The following IDO2 variants were observed in gnomAD, a reference collection of about 807,000 sequenced individuals.
IDO2 encodes indoleamine 2,3-dioxygenase-like 1 protein.
In IDO2, 46 loss-of-function variants were observed where a neutral mutation model predicts 45.1. That is an observed-to-expected ratio of 1.02 (90% CI 0.80 to 1.30). IDO2 has a LOEUF of 1.30. Among genes scored for constraint, IDO2 ranks in the 50% most tolerant of loss-of-function variants. The probability of loss-of-function intolerance (pLI) is 0.00; values close to 1 mark genes in which losing one functional copy is unlikely to be tolerated. For missense variants in IDO2, 544 were observed against 491.8 expected, an observed-to-expected ratio of 1.11 and a Z score of -1.00; for synonymous variants, 218 against 184.9, an observed-to-expected ratio of 1.18 and a Z score of -1.45.
chr8:40,006,120 G>A (rs1188454098), intron 9 of IDO2, among the ~76,000 whole-genome samples: 1 of 152,186 alleles, frequency 6.6e-6, no homozygotes, highest in Admixed American at 6.5e-5. Context: ...AGAACTGTGA[G>A]AAATACATTT....
At chr8:39,941,598 C>T (rs1807643885) in intron 1 of IDO2, among the ~76,000 whole-genome samples, 1 of 151,842 alleles carries the variant, frequency 6.6e-6, no homozygotes, top group African/African-American at 2.4e-5. Flanking sequence ...CAAGAAAAGT[C>T]AAGATCGAGT....
chr8:39,984,123 G>A (rs1274795972), intron 5 of IDO2, among the ~76,000 whole-genome samples: 1 of 152,170 alleles, frequency 6.6e-6, no homozygotes, highest in East Asian at 1.9e-4. Context: ...TACTCAAAGA[G>A]AAAGACAGAA....
rs546112261 is a variant in IDO2, at chr8:39,994,522, G to T, written c.667+4684G>T. 5.3e-4 allele frequency among the ~76,000 whole-genome samples: 81 copies of T among 152,206 alleles called. 1 individual carries two copies. The South Asian group carries it at 0.016, about 29-fold the overall frequency. ...TCTGCCCACCTCAGCCTCCCAAAGT[G>T]CTGGGATTACAGGCATGAGCCACCG... On this transcript the variant is annotated intron_variant, in intron 8 of 10. Transcript: ENST00000502986.
intron 2 of IDO2, among the ~76,000 whole-genome samples, chr8:39,949,881 C>T (rs565566241): frequency 5.0e-4 from 76 of 152,310 alleles, no homozygotes; most frequent in African/African-American, 1.8e-3. Flanking sequence ...GTGGCAATTT[C>T]TGAGAAGGGG....
intron 7 of IDO2, among the ~76,000 whole-genome samples, chr8:39,989,226 G>A (rs7840647): frequency 0.057 from 8,614 of 151,924 alleles, 835 homozygotes; most frequent in African/African-American, 0.2. Context: ...ACTCTCCCTC[G>A]TATCATGAGA....
chr8:39,994,436 T>C (rs1357895385), intron 8 of IDO2, among the ~76,000 whole-genome samples: 1 of 152,142 alleles, frequency 6.6e-6, no homozygotes, highest in Non-Finnish European at 1.5e-5. Flanking sequence ...TTTGTATTTT[T>C]AGTAGAGACG....
intron 3 of IDO2, among the ~76,000 whole-genome samples, chr8:39,976,178 C>T (rs1368170839): frequency 6.6e-6 from 1 of 152,048 alleles, no homozygotes; most frequent in African/African-American, 2.4e-5. Flanking sequence ...GGGATTTCAC[C>T]ATGTTGGCCG....
intron 1 of IDO2, among the ~76,000 whole-genome samples, chr8:39,943,735 C>CAA (rs61643070): frequency 9.9e-4 from 88 of 89,128 alleles, no homozygotes; most frequent in African/African-American, 2.1e-3. Flanking sequence ...GACTCCATCT[C>CAA]AAAAAAAAAA....
intron 3 of IDO2, among the ~76,000 whole-genome samples, chr8:39,965,874 A>T (rs1156315794): frequency 7.4e-6 from 1 of 135,286 alleles, no homozygotes; most frequent in African/African-American, 2.6e-5. Context: ...AGAAGAAACC[A>T]ACCCTATTGA....
In IDO2 at chr8:39,963,651, A is replaced by G. The variant is rs750799948; in HGVS notation, c.143A>G (p.Asn48Ser). ...TATAGGCCTTGGATGGAAATTGCCA[A>G]CAAACTTCCTCAATTGATTGATGCT... Residue 48 changes from asparagine (N) to serine (S), a missense_variant, in exon 3 of 11, where the codon AAC (asparagine) becomes AGC (serine). Physicochemically the swap from Asn to Ser is conservative, Grantham distance 46. Transcript: ENST00000502986. The G allele has an allele frequency of 3.1e-6, 5 of 1,612,662 alleles. No homozygotes were observed. Among genetic ancestry groups the G allele is most frequent in the South Asian group, 2.2e-5 (2 of 90,824 alleles).
intron 3 of IDO2, among the ~76,000 whole-genome samples, chr8:39,972,282 G>A (rs572037140): frequency 1.3e-5 from 2 of 152,318 alleles, no homozygotes; most frequent in South Asian, 2.1e-4. Flanking sequence ...AGTTGATAAA[G>A]CATCAGCAGG....
chr8:40,001,961 T>C (rs1353240129), intron 8 of IDO2, among the ~76,000 whole-genome samples: 2 of 152,034 alleles, frequency 1.3e-5, no homozygotes, highest in Admixed American at 1.3e-4. Flanking sequence ...AATTTTTGTA[T>C]TTTTAGTGGA....
At chr8:39,943,170 C>T (rs1266067283) in intron 1 of IDO2, among the ~76,000 whole-genome samples, 1 of 150,976 alleles carries the variant, frequency 6.6e-6, no homozygotes, top group Non-Finnish European at 1.5e-5. Flanking sequence ...GAGTTTGAGA[C>T]CAGCGTGACT....
intron 4 of IDO2, among the ~76,000 whole-genome samples, chr8:39,981,688 A>G (rs1808354933): frequency 6.6e-6 from 1 of 152,204 alleles, no homozygotes. Flanking sequence ...GACTCATTAA[A>G]GCTCTTTAGT....
chr8:39,998,969 CTCACTTCTTTAGAAA>C (rs980584945), intron 8 of IDO2, among the ~76,000 whole-genome samples: 3 of 151,944 alleles, frequency 2.0e-5, no homozygotes, highest in Non-Finnish European at 4.4e-5. Flanking sequence ...AAAGTTTGCC[CTCACTTCTTTAGAAA>C]TTCCTTCAGT....
chr8:40,008,172 G>A (rs1027200777), intron 9 of IDO2, among the ~76,000 whole-genome samples: 1 of 150,856 alleles, frequency 6.6e-6, no homozygotes, highest in East Asian at 2.0e-4. Context: ...TCAGCCTCCC[G>A]AGTAGCTGGG....
chr8:39,991,569 T>C (rs1183693807), intron 8 of IDO2, among the ~76,000 whole-genome samples: 4 of 145,026 alleles, frequency 2.8e-5, no homozygotes, highest in South Asian at 2.3e-4. Context: ...TCACTTCTTT[T>C]TTTTTTTTTT....
chr8:40,001,391 A>C (rs912988507), intron 8 of IDO2, among the ~76,000 whole-genome samples: 2 of 151,750 alleles, frequency 1.3e-5, no homozygotes, highest in African/African-American at 4.8e-5. Flanking sequence ...CTGGGACTAC[A>C]GGCGTGCACC....
At chr8:39,991,786 G>C (rs1037714610) in intron 8 of IDO2, among the ~76,000 whole-genome samples, 1 of 152,076 alleles carries the variant, frequency 6.6e-6, no homozygotes, top group Non-Finnish European at 1.5e-5. Context: ...GGCCAGGCTG[G>C]TCTCGAACTC....
Sources: gnomAD v4.1 joint callset for allele counts (sites outside exome capture counted in the v4.1 genomes callset) on GRCh38, gnomAD v4.1.1 for gene constraint, MANE v1.5 for transcripts, NCBI Gene and HGNC (gene_info 2026-07-23, HGNC 2026-07-21) for gene names.